PCDH15: variants seen among roughly 807,000 people sequenced by gnomAD.
PCDH15 encodes protocadherin related 15, also known as protocadherin-15.
In PCDH15, 129 loss-of-function variants were observed where a neutral mutation model predicts 178.5. The observed-to-expected ratio is 0.72, with a 90% CI of 0.63 to 0.84. The LOEUF is 0.84. PCDH15 is among the 40% of genes least tolerant of loss of function. The probability of loss-of-function intolerance (pLI) is 0.00; values close to 1 mark genes in which losing one functional copy is unlikely to be tolerated. For missense variants in PCDH15, 2,230 were observed against 2,099.9 expected, an observed-to-expected ratio of 1.06 and a Z score of -1.21; for synonymous variants, 800 against 732.0, an observed-to-expected ratio of 1.09 and a Z score of -1.50.
In PCDH15 at chr10:54,121,996, G is replaced by GACACAGACACACACACAC. The variant is rs756158522; in HGVS notation, c.1917+10878_1917+10879insGTGTGTGTGTGTCTGTGT. Among the ~76,000 whole-genome samples the GACACAGACACACACACAC allele has an allele frequency of 6.9e-3, 662 of 95,912 alleles. 5 individuals carry two copies. The highest frequency in any genetic ancestry group is 0.059 in the Middle Eastern group (11 of 186). The allele number at this position is 95,912 out of a possible 152,430, so 62.9% of individuals were successfully genotyped here. A position where few individuals can be genotyped will look rare whatever the true frequency, so the allele number is the denominator to read the frequency against. ...TCACCTAATATCTAAACCGGGCAAAGACACATACACACACACACACACACA... is the reference window on the plus strand; with the variant it reads ...TCACCTAATATCTAAACCGGGCAAAGACACAGACACACACACACACACATACACACACACACACACACA... On this transcript the variant is annotated intron_variant, in intron 15 of 37. Coordinates refer to ENST00000644397, the MANE Select transcript of PCDH15 (RefSeq NM_001384140.1).
chr10:53,940,372 T>C (rs2085947250), intron 24 of PCDH15, among the ~76,000 whole-genome samples: 1 of 152,156 alleles, frequency 6.6e-6, no homozygotes, highest in South Asian at 2.1e-4. Context: ...ATTTTGGGAA[T>C]CATATAACAT....
At chr10:55,341,805 A>ATTTTT (rs869187882) in intron 2 of PCDH15, among the ~76,000 whole-genome samples, 13 of 16,310 alleles carry the variant, frequency 8.0e-4, no homozygotes, top group East Asian at 2.1e-3. Flanking sequence ...ATATATATAT[A>ATTTTT]TTTTTTTTTT....
chr10:54,496,453 C>A (rs564050499), intron 3 of PCDH15, among the ~76,000 whole-genome samples: 1 of 152,206 alleles, frequency 6.6e-6, no homozygotes, highest in Admixed American at 6.5e-5. Flanking sequence ...TTGAAGATGG[C>A]ACAGTTGAAA....
At chr10:53,894,464 G>A (rs1352637602) in intron 26 of PCDH15, among the ~76,000 whole-genome samples, 1 of 152,144 alleles carries the variant, frequency 6.6e-6, no homozygotes, top group Non-Finnish European at 1.5e-5. Flanking sequence ...AACCATGAGA[G>A]AGTTTCCTCA....
chr10:54,679,206 A>AC (rs1325759860), intron 1 of PCDH15, among the ~76,000 whole-genome samples: 1 of 151,798 alleles, frequency 6.6e-6, no homozygotes, highest in Non-Finnish European at 1.5e-5. Context: ...AAAAAAAAAA[A>AC]AAAAACATAC....
chr10:54,708,779 C>CGTGTGTGTGT lies in PCDH15; in HGVS notation c.-28-44499_-28-44490dup, dbSNP rs145197882. ...ATCACCCCAATGCAGGCCAGAATAACGTGTGTGTGTGTGTGTGTGTGTGCG... is the reference window on the plus strand; with the variant it reads ...ATCACCCCAATGCAGGCCAGAATAACGTGTGTGTGTGTGTGTGTGTGTGTGTGTGTGTGCG... On this transcript the variant is annotated intron_variant, in intron 1 of 37. Transcript: ENST00000644397. Among the ~76,000 whole-genome samples the CGTGTGTGTGT allele has an allele frequency of 7.0e-3, 1,060 of 150,430 alleles. 17 individuals carry two copies. The highest frequency in any genetic ancestry group is 0.048 in the East Asian group (242 of 5,010).
intron 3 of PCDH15, among the ~76,000 whole-genome samples, chr10:54,500,083 A>T (rs1265629572): frequency 6.6e-6 from 1 of 152,176 alleles, no homozygotes; most frequent in Non-Finnish European, 1.5e-5. Flanking sequence ...AGAAAAGATG[A>T]TACATATACA....
rs1554815895 is a variant in PCDH15, at chr10:53,809,522, G to GT, written c.4671+1033dup. On this transcript the variant is annotated intron_variant, in intron 37 of 37. Transcript: ENST00000644397. ...CTAGGCTCTCTAATTTCAACCTTTG[G>GT]TTTTTTAATTTTCTTTGGCTCTTCC... 2.5e-6 allele frequency: 4 copies of GT among 1,606,492 alleles called. No individual in the cohort carries two copies. The highest frequency in any genetic ancestry group is 1.7e-5 in the Admixed American group (1 of 58,478).
At chr10:54,925,524 A>T (rs534140472) in intron 2 of PCDH15, among the ~76,000 whole-genome samples, 1 of 152,298 alleles carries the variant, frequency 6.6e-6, no homozygotes, top group South Asian at 2.1e-4. Flanking sequence ...GCATTTACAA[A>T]TTGCTTTGGC....
chr10:55,592,401 G>T (rs552618245), intron 2 of PCDH15, among the ~76,000 whole-genome samples: 1 of 152,224 alleles, frequency 6.6e-6, no homozygotes, highest in Admixed American at 6.5e-5. Flanking sequence ...AGGAATGCTG[G>T]CATTAACTAT....
intron 8 of PCDH15, among the ~76,000 whole-genome samples, chr10:54,296,649 C>G (rs982470401): frequency 2.0e-5 from 3 of 152,034 alleles, no homozygotes; most frequent in Non-Finnish European, 4.4e-5. Flanking sequence ...TAATTTTTGC[C>G]CAAAGCCCCA....
chr10:54,386,833 T>C (rs1159237842), intron 3 of PCDH15, among the ~76,000 whole-genome samples: 1 of 152,234 alleles, frequency 6.6e-6, no homozygotes, highest in Non-Finnish European at 1.5e-5. Context: ...GGCGAGGATG[T>C]GGAGAAATTG....
At chr10:55,521,315 G>T (rs770457508) in intron 2 of PCDH15, among the ~76,000 whole-genome samples, 7 of 151,634 alleles carry the variant, frequency 4.6e-5, no homozygotes, top group Non-Finnish European at 1.0e-4. Flanking sequence ...TTTATGATAG[G>T]GTTATGCCCC....
At chr10:55,204,366 A>G (rs1382893392) in intron 1 of PCDH15, among the ~76,000 whole-genome samples, 1 of 151,438 alleles carries the variant, frequency 6.6e-6, no homozygotes, top group Non-Finnish European at 1.5e-5. Flanking sequence ...ATATATACAT[A>G]TGTACGTGTA....
At chr10:55,230,537 A>C (rs1197930261) in intron 1 of PCDH15, among the ~76,000 whole-genome samples, 1 of 152,124 alleles carries the variant, frequency 6.6e-6, no homozygotes, top group East Asian at 1.9e-4. Flanking sequence ...CATGCATTGA[A>C]TATAAGGAAA....
chr10:55,527,438 T>A (rs1049255665), intron 2 of PCDH15, among the ~76,000 whole-genome samples: 14 of 151,970 alleles, frequency 9.2e-5, no homozygotes, highest in African/African-American at 1.9e-4. Context: ...ACTCCTTTTT[T>A]AAAAAATAAA....
chr10:54,655,207 CA>C (rs918978620), intron 2 of PCDH15, among the ~76,000 whole-genome samples: 18 of 121,056 alleles, frequency 1.5e-4, no homozygotes, highest in Non-Finnish European at 2.6e-4. Flanking sequence ...GAGACTCCGT[CA>C]AAAAAAAGGA....
chr10:54,765,200 C>T (rs1307382809), intron 1 of PCDH15, among the ~76,000 whole-genome samples: 1 of 152,080 alleles, frequency 6.6e-6, no homozygotes, highest in Non-Finnish European at 1.5e-5. Flanking sequence ...TTTTATGTTG[C>T]CATTATACCT....
chr10:55,456,796 A>G lies in PCDH15; in HGVS notation c.-156+170829T>C, dbSNP rs542441261. ...TTGCTCTAAATCATTTTTGGAAACCATAGATGATAGATGATAATGCTGTTG... is the reference window on the plus strand; with the variant it reads ...TTGCTCTAAATCATTTTTGGAAACCGTAGATGATAGATGATAATGCTGTTG... On this transcript the variant is annotated intron_variant, in intron 2 of 5. Transcript: ENST00000613346. 2.0e-3 allele frequency among the ~76,000 whole-genome samples: 305 copies of G among 152,144 alleles called. 3 individuals are homozygous for G. The highest frequency in any genetic ancestry group is 7.1e-3 in the African/African-American group (295 of 41,552).
Sources: allele counts gnomAD v4.1 joint callset (sites outside exome capture counted in the v4.1 genomes callset), GRCh38; gene constraint gnomAD v4.1.1; transcripts MANE v1.5; gene names NCBI Gene and HGNC (gene_info 2026-07-23, HGNC 2026-07-21).